Variants in C1orf87 observed in about 807,000 individuals in gnomAD.
The protein encoded by C1orf87 is uncharacterized protein C1orf87.
C1orf87 carries 58 observed loss-of-function variants against 60.5 expected under a neutral mutation model. That is an observed-to-expected ratio of 0.96 (90% CI 0.78 to 1.19). The LOEUF (loss-of-function observed/expected upper bound fraction) is 1.19. Among genes scored for constraint, C1orf87 ranks in the 50% most tolerant of loss-of-function variants. The pLI, the probability that C1orf87 is intolerant of heterozygous loss-of-function variation, is 0.00. For synonymous variants in C1orf87, 236 were observed against 227.4 expected (o/e 1.04, Z -0.34); for missense variants, 673 against 638.6 (o/e 1.05, Z -0.58).
intron 8 of C1orf87, among the ~76,000 whole-genome samples, chr1:60,020,367 A>C (rs1645154767): frequency 6.6e-6 from 1 of 152,164 alleles, no homozygotes; most frequent in Non-Finnish European, 1.5e-5. Flanking sequence ...GACAGCTTGC[A>C]ACCGTGTGCT....
chr1:60,050,891 G>A (rs1284642593), intron 3 of C1orf87, among the ~76,000 whole-genome samples: 1 of 152,026 alleles, frequency 6.6e-6, no homozygotes, highest in Non-Finnish European at 1.5e-5. Flanking sequence ...TTAATAGTAT[G>A]GCAACATCTA....
intron 2 of C1orf87, among the ~76,000 whole-genome samples, chr1:60,059,884 C>T (rs1645482717): frequency 6.6e-6 from 1 of 152,122 alleles, no homozygotes; most frequent in African/African-American, 2.4e-5. Flanking sequence ...TAAATGAAAG[C>T]ATGTTCTTAT....
chr1:60,064,748 A>T (rs1410978755), intron 2 of C1orf87, among the ~76,000 whole-genome samples: 10 of 92,684 alleles, frequency 1.1e-4, no homozygotes, highest in African/African-American at 2.7e-4. Flanking sequence ...ATAGAATATT[A>T]AATATATAAA....
At chr1:59,994,543 A>G (rs182926775) in intron 11 of C1orf87, among the ~76,000 whole-genome samples, 126 of 152,180 alleles carry the variant, frequency 8.3e-4, no homozygotes, top group African/African-American at 3.0e-3. Context: ...CCCTCCTTGA[A>G]CTCTAAAACA....
At chr1:60,044,559 G>C (rs969610055) in intron 3 of C1orf87, among the ~76,000 whole-genome samples, 2 of 152,154 alleles carry the variant, frequency 1.3e-5, no homozygotes, top group African/African-American at 4.8e-5. Flanking sequence ...GAAGAGCCCT[G>C]AATCTGCTGA....
intron 2 of C1orf87, among the ~76,000 whole-genome samples, chr1:60,056,490 A>T (rs1645457649): frequency 1.3e-5 from 2 of 152,172 alleles, no homozygotes; most frequent in South Asian, 2.1e-4. Context: ...TTTGCTTGTG[A>T]TAAAGGGTAT....
chr1:60,056,008 G>A (rs1645452753), intron 2 of C1orf87, among the ~76,000 whole-genome samples: 1 of 152,154 alleles, frequency 6.6e-6, no homozygotes, highest in Non-Finnish European at 1.5e-5. Context: ...CACTTTGGGA[G>A]GCTGAGGCGG....
chr1:60,003,403 A>T (rs186054107), intron 9 of C1orf87, among the ~76,000 whole-genome samples: 357 of 152,130 alleles, frequency 2.3e-3, no homozygotes, highest in South Asian at 3.7e-3. Flanking sequence ...GCGCACCAGC[A>T]TGGCTCATGT....
chr1:60,006,897 T>C (rs980352181), intron 9 of C1orf87, among the ~76,000 whole-genome samples: 4 of 151,700 alleles, frequency 2.6e-5, no homozygotes, highest in African/African-American at 9.7e-5. Context: ...GTTGTCACCA[T>C]TTCCTATGTG....
chr1:60,007,320 C>T (rs542868043), intron 9 of C1orf87, among the ~76,000 whole-genome samples: 1 of 152,200 alleles, frequency 6.6e-6, no homozygotes, highest in South Asian at 2.1e-4. Flanking sequence ...TCAGCAATGT[C>T]TAATCTGTTA....
Position 59,990,544 on chromosome 1 carries a change from A to C in C1orf87, c.*129T>G. On this transcript the variant is annotated 3_prime_UTR_variant, in exon 12 of 12. Coordinates refer to ENST00000371201, the MANE Select transcript of C1orf87 (RefSeq NM_152377.3). ...CAGAAACTAAGTCCAAATCAAAAGCATCTACAATAGCTGCATCGGCCTCCA... is the reference window on the plus strand; with the variant it reads ...CAGAAACTAAGTCCAAATCAAAAGCCTCTACAATAGCTGCATCGGCCTCCA... The C allele has an allele frequency of 8.8e-7, 1 of 1,130,030 alleles. No homozygotes were observed. Among genetic ancestry groups the C allele is most frequent in the Non-Finnish European group, 1.3e-6 (1 of 792,562 alleles). 70.0% of individuals were successfully genotyped at this position (1,130,030 alleles called of 1,614,324 possible).
At chr1:60,037,412 C>T (rs1645285595) in intron 6 of C1orf87, among the ~76,000 whole-genome samples, 1 of 152,142 alleles carries the variant, frequency 6.6e-6, no homozygotes, top group Admixed American at 6.5e-5. Flanking sequence ...TTTATTTCTT[C>T]AGTTCACAGG....
chr1:60,026,488 G>T (rs948975445), intron 7 of C1orf87, among the ~76,000 whole-genome samples: 1 of 151,670 alleles, frequency 6.6e-6, no homozygotes, highest in African/African-American at 2.4e-5. Context: ...GAGGAAAGAA[G>T]AGAGAAGAGG....
intron 5 of C1orf87, among the ~76,000 whole-genome samples, chr1:60,039,361 G>A (rs1645301516): frequency 1.3e-5 from 2 of 152,182 alleles, no homozygotes; most frequent in Non-Finnish European, 2.9e-5. Context: ...ACATAGGTAT[G>A]AGCTTGGAAA....
At chr1:60,002,482 TG>T (rs1332110221) in intron 9 of C1orf87, among the ~76,000 whole-genome samples, 1 of 152,144 alleles carries the variant, frequency 6.6e-6, no homozygotes, top group Admixed American at 6.6e-5. Flanking sequence ...TGGGGTTGTT[TG>T]TTTTTTTCTT....
chr1:60,053,760 T>C (rs1645432393), intron 3 of C1orf87, among the ~76,000 whole-genome samples: 1 of 152,174 alleles, frequency 6.6e-6, no homozygotes, highest in Non-Finnish European at 1.5e-5. Flanking sequence ...TACATCGTTA[T>C]GCTATTTTTA....
At chr1:60,013,577 G>A (rs1645104170) in intron 8 of C1orf87, among the ~76,000 whole-genome samples, 3 of 151,456 alleles carry the variant, frequency 2.0e-5, no homozygotes, top group African/African-American at 7.3e-5. Flanking sequence ...AAAAATCAAT[G>A]GTTTTCTAAA....
At chr1:60,049,706 T>A (rs993741909) in intron 3 of C1orf87, among the ~76,000 whole-genome samples, 1 of 152,150 alleles carries the variant, frequency 6.6e-6, no homozygotes, top group African/African-American at 2.4e-5. Flanking sequence ...TGTTTACTTG[T>A]ACTATTTGTA....
intron 2 of C1orf87, among the ~76,000 whole-genome samples, chr1:60,063,448 A>T (rs965870969): frequency 2.6e-5 from 4 of 152,188 alleles, no homozygotes; most frequent in Non-Finnish European, 5.9e-5. Flanking sequence ...TTTAGAAAAC[A>T]TAAATACAAT....
Sources: allele counts gnomAD v4.1 joint callset (sites outside exome capture counted in the v4.1 genomes callset), GRCh38; gene constraint gnomAD v4.1.1; transcripts MANE v1.5; gene names NCBI Gene and HGNC (gene_info 2026-07-23, HGNC 2026-07-21).